WDR62: variants seen among roughly 807,000 people sequenced by gnomAD.
WDR62 encodes the protein WD repeat domain 62.
WDR62 carries 112 observed loss-of-function variants against 160.6 expected under a neutral mutation model. The ratio of observed to expected loss-of-function variants is 0.70; its 90% CI spans 0.60 to 0.82. The LOEUF (loss-of-function observed/expected upper bound fraction) is 0.82. Among genes scored for constraint, WDR62 ranks in the 40% least tolerant of loss-of-function variants. WDR62 has a pLI of 0.00. For missense variants in WDR62, 1,819 were observed against 1,983.8 expected (o/e 0.92, Z 1.58); for synonymous variants, 792 against 815.1 (o/e 0.97, Z 0.48).
At chr19:36,105,431 C>T (rs991385220), downstream of WDR62, among the ~76,000 whole-genome samples, 2 of 152,054 alleles carry the variant, frequency 1.3e-5, no homozygotes, top group African/African-American at 4.8e-5. Context: ...CCTACCTTGC[C>T]CAGCAGTCCA....
chr19:36,066,833 T>C (rs972398608), intron 5 of WDR62, among the ~76,000 whole-genome samples: 2 of 152,180 alleles, frequency 1.3e-5, no homozygotes, highest in Non-Finnish European at 2.9e-5. Context: ...TAACCCACTA[T>C]GTGACCTTGA....
downstream of WDR62, chr19:36,105,164 G>A: frequency 8.5e-7 from 1 of 1,180,186 alleles, no homozygotes; most frequent in Non-Finnish European, 1.2e-6. Flanking sequence ...GTGGAAGTGG[G>A]GAGGGAGGGT....
chr19:36,078,495 T>C (rs1971708438), intron 9 of WDR62, among the ~76,000 whole-genome samples: 1 of 152,114 alleles, frequency 6.6e-6, no homozygotes, highest in African/African-American at 2.4e-5. Context: ...TTTTTGTAGG[T>C]TGTTTTTCAT....
At chr19:36,095,125 T>C (rs1972879438) in intron 20 of WDR62, among the ~76,000 whole-genome samples, 1 of 152,184 alleles carries the variant, frequency 6.6e-6, no homozygotes, top group Admixed American at 6.5e-5. Context: ...TTTTGGTGCC[T>C]GAAAATTGGA....
rs745896714 is a variant in WDR62 at position 36,104,880 on chromosome 19, G to A, written c.4424G>A (p.Ser1475Asn). Residue 1475 changes from serine to asparagine, a missense_variant, in exon 32 of 32, where the codon AGT becomes AAT. Coordinates refer to ENST00000401500, the MANE Select transcript of WDR62 (RefSeq NM_001083961.2). ...QLEAECLVGTSVAPAQALPSP... is the reference protein window; with the variant it reads ...QLEAECLVGTNVAPAQALPSP... ...GAGGCTGAATGCCTGGTGGGGACTA[G>A]TGTGGCCCCAGCCCAGGCTCTGCCC... 1 of 1,612,318 alleles carries A rather than the reference G, an allele frequency of 6.2e-7. No homozygotes were observed. The highest frequency in any genetic ancestry group is 1.3e-5 in the African/African-American group (1 of 74,890).
In WDR62 at chr19:36,103,916, C is replaced by T; in HGVS notation, c.4088C>T (p.Pro1363Leu). 10 of 1,599,432 alleles carry T rather than the reference C, an allele frequency of 6.3e-6. No homozygotes were observed. Among genetic ancestry groups the T allele is most frequent in the Non-Finnish European group, 8.5e-6 (10 of 1,179,948 alleles). ...GGCCTTCCTGCCCACCCCAGTAACCCCCAGCTTCCAGAGGCCCGGCCTGGC... is the reference window on the plus strand; with the variant it reads ...GGCCTTCCTGCCCACCCCAGTAACCTCCAGCTTCCAGAGGCCCGGCCTGGC... ...SPGLPAHPSNPQLPEARPGIP... is the reference protein window; with the variant it reads ...SPGLPAHPSNLQLPEARPGIP... The change falls in exon 30 of 32, where the codon CCC (proline) becomes CTC (leucine). Residue 1363 changes from proline (P) to leucine (L), a missense_variant. This residue lies in a region of WDR62 where 770 missense variants were observed against 734.2 expected (regional missense o/e 1.05). Transcript: ENST00000401500.
chr19:36,065,541 G>A (rs771936801), intron 3 of WDR62, among the ~76,000 whole-genome samples: 33 of 152,198 alleles, frequency 2.2e-4, no homozygotes, highest in Non-Finnish European at 3.4e-4. Context: ...AGCACAGGCT[G>A]CAGGCTACCT....
Position 36,055,156 on chromosome 19 carries a change from G to A in WDR62, c.177+8G>A, listed in dbSNP as rs1009210711. ...GAGACGGTGCAGAACCGGGTGAGAA[G>A]CTGCTCGCCATGTCTACCCCAGTTC... On this transcript the variant is annotated splice_region_variant and intron_variant, in intron 1 of 31. Coordinates refer to ENST00000401500, the MANE Select transcript of WDR62 (RefSeq NM_001083961.2). 7 of 1,605,392 alleles carry A rather than the reference G, an allele frequency of 4.4e-6. No individual in the cohort carries two copies. The highest frequency in any genetic ancestry group is 5.1e-6 in the Non-Finnish European group (6 of 1,176,968).
intron 19 of WDR62, 97 bp from the exon 20 acceptor site, chr19:36,093,934 C>G: frequency 6.7e-7 from 1 of 1,483,742 alleles, no homozygotes; most frequent in African/African-American, 1.4e-5. Flanking sequence ...AGAATATGTT[C>G]ACATGGAGCT....
intron 3 of WDR62, 189 bp downstream of exon 3, chr19:36,060,219 G>A (rs1253805181): frequency 1.5e-6 from 1 of 648,172 alleles, no homozygotes. Flanking sequence ...GAGGAGACGA[G>A]AATCTCTGCT....
intron 18 of WDR62, among the ~76,000 whole-genome samples, chr19:36,091,951 G>A (rs892766810): frequency 6.6e-6 from 1 of 151,906 alleles, no homozygotes; most frequent in Admixed American, 6.6e-5. Context: ...CCTTGAGCAG[G>A]TTATTTCCCC....
intron 11 of WDR62, 148 bp from the exon 12 acceptor site, chr19:36,084,505 T>C: frequency 1.3e-6 from 1 of 751,464 alleles, no homozygotes. Flanking sequence ...GGTTTCTAAA[T>C]GAGAAAAGTG....
Position 36,103,877 on chromosome 19 carries a change from C to T in WDR62, c.4049C>T (p.Ala1350Val), listed in dbSNP as rs759839542. The T allele has an allele frequency of 2.5e-6, 4 of 1,601,250 alleles. No individual in the cohort carries two copies. Among genetic ancestry groups the T allele is most frequent in the Non-Finnish European group, 3.4e-6 (4 of 1,179,914 alleles). ...TCTGCCTTTCGCCCAAGTCTCCCAG[C>T]TCCTGAGTCCCCTGGCCTTCCTGCC... ...HGSAFRPSLP[A>V]PESPGLPAHP... Residue 1350 changes from alanine (A) to valine (V), a missense_variant, in exon 30 of 32, where the codon GCT becomes GTT. Physicochemically the swap from Ala to Val is moderately conservative, Grantham distance 64. Transcript: ENST00000401500.
intron 21 of WDR62, among the ~76,000 whole-genome samples, chr19:36,098,674 CAG>C (rs558843905): frequency 3.3e-4 from 50 of 151,984 alleles, no homozygotes; most frequent in Non-Finnish European, 5.0e-4. Context: ...ACAACTGAAA[CAG>C]GGAATCTTTA....
intron 13 of WDR62, among the ~76,000 whole-genome samples, chr19:36,088,732 C>T (rs373250263): frequency 2.6e-5 from 4 of 152,234 alleles, no homozygotes; most frequent in Non-Finnish European, 4.4e-5. Context: ...GCCTCTACTC[C>T]GCTACTCAAG....
intron 19 of WDR62, 29 bp downstream of exon 19, chr19:36,092,840 A>C: frequency 6.2e-7 from 1 of 1,613,420 alleles, no homozygotes. Flanking sequence ...TGTCCACCAG[A>C]GGGATGAGTC....
chr19:36,105,486 C>T (rs1363148395), downstream of WDR62, among the ~76,000 whole-genome samples: 2 of 151,818 alleles, frequency 1.3e-5, no homozygotes, highest in Non-Finnish European at 2.9e-5. Context: ...CAAGGCCACA[C>T]TAGATCCCAC....
intron 12 of WDR62, 105 bp downstream of exon 12, chr19:36,084,849 C>A: frequency 1.8e-6 from 2 of 1,115,924 alleles, no homozygotes; most frequent in Non-Finnish European, 2.7e-6. Context: ...TGGATGACAG[C>A]TGGGAGTTTT....
chr19:36,058,937 A>G, intron 2 of WDR62, 66 bp downstream of exon 2: 4 of 1,318,156 alleles, frequency 3.0e-6, no homozygotes, highest in Non-Finnish European at 4.3e-6. Flanking sequence ...ACCTGAAGCC[A>G]TCCGTAAATC....
Sources: allele counts gnomAD v4.1 joint callset (sites outside exome capture counted in the v4.1 genomes callset), GRCh38; gene constraint gnomAD v4.1.1; regional missense constraint gnomAD v4.1.1; transcripts MANE v1.5; gene names NCBI Gene and HGNC (gene_info 2026-07-23, HGNC 2026-07-21).